GRIP1: variants seen among roughly 807,000 people sequenced by gnomAD.
GRIP1 encodes the protein glutamate receptor-interacting protein 1.
GRIP1 carries 45 observed loss-of-function variants against 129.9 expected under a neutral mutation model. That is an observed-to-expected ratio of 0.35 (90% CI 0.27 to 0.44). The LOEUF (loss-of-function observed/expected upper bound fraction) is 0.44, where lower values mean the gene tolerates loss of function less well. GRIP1 is among the 20% of genes least tolerant of loss of function. The pLI is 1.00. For missense variants in GRIP1, 1,196 were observed against 1,396.8 expected, an observed-to-expected ratio of 0.86 and a Z score of 2.29; for synonymous variants, 530 against 520.8, an observed-to-expected ratio of 1.02 and a Z score of -0.24.
rs1592713460 is a variant in GRIP1, at chr12:66,372,181, C to T, written c.2779-254G>A. ...TGAGTTTATTTAATCAAATACCACC[C>T]CTGGCAGTTTTGAGGCAAATTGAAA... is the stretch of plus-strand genomic sequence containing the variant. On this transcript the variant is annotated intron_variant, in intron 22 of 24. Transcript: ENST00000359742. 5 of 569,764 alleles carry T rather than the reference C, an allele frequency of 8.8e-6. No homozygotes were observed. In the South Asian group the frequency reaches 1.0e-4, roughly 12 times the overall value. The allele number at this position is 569,764 out of a possible 1,614,324, so 35.3% of individuals were successfully genotyped here.
intron 23 of GRIP1, among the ~76,000 whole-genome samples, chr12:66,357,506 G>A (rs1277697178): frequency 2.6e-5 from 4 of 152,150 alleles, no homozygotes; most frequent in African/African-American, 9.7e-5. Context: ...GTGGGTTCAG[G>A]TGATGACAGC....
At chr12:66,525,449 A>C (rs1163071223) in intron 5 of GRIP1, among the ~76,000 whole-genome samples, 2 of 152,204 alleles carry the variant, frequency 1.3e-5, no homozygotes, top group African/African-American at 4.8e-5. Flanking sequence ...ATCTCAATAG[A>C]TGCAGAAAAG....
intron 1 of GRIP1, among the ~76,000 whole-genome samples, chr12:66,748,683 G>A (rs1163317196): frequency 6.6e-6 from 1 of 152,170 alleles, no homozygotes; most frequent in Non-Finnish European, 1.5e-5. Context: ...TTCCTTCACA[G>A]CCCTGATTCT....
chr12:66,629,349 T>C (rs2140027717), intron 1 of GRIP1, among the ~76,000 whole-genome samples: 1 of 152,330 alleles, frequency 6.6e-6, no homozygotes, highest in Middle Eastern at 3.4e-3. Context: ...CTAACACATG[T>C]GATGACCAGC....
chr12:66,886,756 TATC>T (rs1378099809), intron 1 of GRIP1, among the ~76,000 whole-genome samples: 16 of 152,328 alleles, frequency 1.1e-4, no homozygotes, highest in East Asian at 9.6e-4. Flanking sequence ...AATATCTATA[TATC>T]ATCATACCAC....
intron 2 of GRIP1, among the ~76,000 whole-genome samples, chr12:66,564,465 T>C (rs1173708122): frequency 2.6e-5 from 4 of 152,296 alleles, no homozygotes; most frequent in African/African-American, 9.6e-5. Context: ...CTCATCGTTT[T>C]TTATGGCTGC....
intron 19 of GRIP1, among the ~76,000 whole-genome samples, chr12:66,385,387 T>G (rs2056309752): frequency 6.6e-6 from 1 of 151,438 alleles, no homozygotes; most frequent in African/African-American, 2.4e-5. Flanking sequence ...AACATAAAAA[T>G]TAGCTGGGCG....
intron 1 of GRIP1, among the ~76,000 whole-genome samples, chr12:66,979,780 G>T (rs2042217638): frequency 6.6e-6 from 1 of 152,126 alleles, no homozygotes. Context: ...CAGGGAGAAT[G>T]CCATGTGATG....
At chr12:67,008,935 C>A (rs1664423159) in intron 1 of GRIP1, among the ~76,000 whole-genome samples, 1 of 151,814 alleles carries the variant, frequency 6.6e-6, no homozygotes, top group Admixed American at 6.6e-5. Context: ...AAAAAAAAGT[C>A]ATTTCACCTT....
intron 1 of GRIP1, among the ~76,000 whole-genome samples, chr12:66,890,083 C>T (rs1417885926): frequency 6.6e-6 from 1 of 152,092 alleles, no homozygotes; most frequent in Non-Finnish European, 1.5e-5. Context: ...TATGTGCCAC[C>T]ATGCCTGGCT....
intron 1 of GRIP1, among the ~76,000 whole-genome samples, chr12:66,641,789 T>C (rs563218283): frequency 6.6e-6 from 1 of 152,340 alleles, no homozygotes; most frequent in South Asian, 2.1e-4. Flanking sequence ...GGCCATGCCT[T>C]ATAAGGATCG....
intron 2 of GRIP1, among the ~76,000 whole-genome samples, chr12:66,562,595 A>T (rs2062577581): frequency 6.6e-6 from 1 of 152,166 alleles, no homozygotes; most frequent in Non-Finnish European, 1.5e-5. Context: ...ATTTTAAGAC[A>T]CTGTGCTGAT....
At chr12:66,867,603 T>C (rs1298692782) in intron 1 of GRIP1, among the ~76,000 whole-genome samples, 1 of 152,158 alleles carries the variant, frequency 6.6e-6, no homozygotes, top group East Asian at 1.9e-4. Context: ...AATTATCTTG[T>C]CAACATCTAA....
At chr12:66,973,262 A>G (rs948986379) in intron 1 of GRIP1, among the ~76,000 whole-genome samples, 14 of 100,018 alleles carry the variant, frequency 1.4e-4, no homozygotes, top group African/African-American at 4.6e-4. Flanking sequence ...CTTAATACAA[A>G]CAAAAAAAAC....
intron 1 of GRIP1, among the ~76,000 whole-genome samples, chr12:66,676,338 G>T (rs1016925328): frequency 1.3e-5 from 2 of 152,112 alleles, no homozygotes; most frequent in African/African-American, 4.8e-5. Flanking sequence ...TTCTCCTTAA[G>T]AAAATTAAGA....
chr12:66,438,703 G>A (rs1433665848), intron 13 of GRIP1, among the ~76,000 whole-genome samples: 1 of 151,760 alleles, frequency 6.6e-6, no homozygotes, highest in Non-Finnish European at 1.5e-5. Context: ...ACCATGTTGG[G>A]CAGGCTGGTC....
chr12:66,962,292 C>T (rs1266208341), intron 1 of GRIP1, among the ~76,000 whole-genome samples: 1 of 151,942 alleles, frequency 6.6e-6, no homozygotes. Flanking sequence ...AATATATTAT[C>T]GTAAACAATT....
In GRIP1 at chr12:66,898,395, T is replaced by C. The variant is rs376845167; in HGVS notation, c.58+170655A>G. Among the ~76,000 whole-genome samples the C allele has an allele frequency of 4.1e-4, 62 of 152,326 alleles. No individual in the cohort carries two copies. The East Asian group carries it at 7.5e-3, about 19-fold the overall frequency. ...GTGTCCTCGATGGGGAGAGAGAACA[T>C]TGGTCAGTGTCCTCCTTAATAACAG... is the stretch of plus-strand genomic sequence containing the variant. On this transcript the variant is annotated intron_variant, in intron 1 of 1. Coordinates refer to the GRIP1 transcript ENST00000643019.
chr12:66,614,956 T>C (rs895619760), intron 1 of GRIP1, among the ~76,000 whole-genome samples: 5 of 152,164 alleles, frequency 3.3e-5, no homozygotes, highest in African/African-American at 1.2e-4. Context: ...TCTCTTAACC[T>C]TGATCATCCT....
Sources: allele counts gnomAD v4.1 joint callset (sites outside exome capture counted in the v4.1 genomes callset), GRCh38; gene constraint gnomAD v4.1.1; transcripts MANE v1.5; gene names NCBI Gene and HGNC (gene_info 2026-07-23, HGNC 2026-07-21).